The following METTL15 variants were observed in gnomAD, a reference collection of about 807,000 sequenced individuals.
METTL15 encodes the protein methyltransferase 15, mitochondrial 12S rRNA N4-cytidine.
METTL15 carries 34 observed loss-of-function variants against 38.3 expected under a neutral mutation model. The ratio of observed to expected loss-of-function variants is 0.89; its 90% CI spans 0.68 to 1.18. METTL15 has a LOEUF of 1.18. Among genes scored for constraint, METTL15 ranks in the 50% most tolerant of loss-of-function variants. The pLI is 0.00. For synonymous variants in METTL15, 162 were observed against 170.9 expected (o/e 0.95, Z 0.41); for missense variants, 438 against 498.4 (o/e 0.88, Z 1.15).
chr11:28,165,343 G>A (rs1314899743), intron 3 of METTL15, among the ~76,000 whole-genome samples: 1 of 152,012 alleles, frequency 6.6e-6, no homozygotes, highest in Non-Finnish European at 1.5e-5. Flanking sequence ...GAAAACACTT[G>A]TGTTATTTTT....
At chr11:28,512,914 G>A (rs1851688145) in intron 6 of METTL15, among the ~76,000 whole-genome samples, 1 of 152,230 alleles carries the variant, frequency 6.6e-6, no homozygotes, top group Non-Finnish European at 1.5e-5. Flanking sequence ...TTAAGTAGAA[G>A]TGGATCATCA....
intron 4 of METTL15, among the ~76,000 whole-genome samples, chr11:28,243,057 T>C (rs1377310175): frequency 6.6e-6 from 1 of 151,522 alleles, no homozygotes; most frequent in Non-Finnish European, 1.5e-5. Flanking sequence ...GGGAAAAATA[T>C]AATTCTGCCT....
chr11:28,291,679 A>G (rs773500758), intron 5 of METTL15, among the ~76,000 whole-genome samples: 2 of 152,162 alleles, frequency 1.3e-5, no homozygotes, highest in Non-Finnish European at 2.9e-5. Context: ...AATAATAAAA[A>G]TCCTTTAAAA....
intron 6 of METTL15, among the ~76,000 whole-genome samples, chr11:28,300,541 G>A (rs1048018475): frequency 6.6e-6 from 1 of 152,076 alleles, no homozygotes; most frequent in African/African-American, 2.4e-5. Context: ...CCAAAAGACA[G>A]GTTCAAGACT....
chr11:28,324,504 A>G (rs543428967), intron 6 of METTL15, among the ~76,000 whole-genome samples: 4 of 152,282 alleles, frequency 2.6e-5, no homozygotes, highest in South Asian at 4.1e-4. Flanking sequence ...GATGTTCTCA[A>G]TCATTATCAG....
chr11:28,473,721 T>A (rs1851320841), intron 6 of METTL15, among the ~76,000 whole-genome samples: 2 of 152,068 alleles, frequency 1.3e-5, no homozygotes. Flanking sequence ...CATTCAAGCT[T>A]CTCCACAATT....
At chr11:28,255,766 C>T (rs1341490896) in intron 4 of METTL15, among the ~76,000 whole-genome samples, 3 of 152,164 alleles carry the variant, frequency 2.0e-5, no homozygotes, top group East Asian at 1.9e-4. Context: ...TGTAATGGCA[C>T]GACCTTGGCT....
intron 3 of METTL15, among the ~76,000 whole-genome samples, chr11:28,140,807 G>A (rs559372469): frequency 1.3e-5 from 2 of 152,294 alleles, no homozygotes; most frequent in Non-Finnish European, 2.9e-5. Context: ...TGTATAAGGT[G>A]TGAATTCCTT....
At chr11:28,267,454 A>G (rs1855471095) in intron 4 of METTL15, among the ~76,000 whole-genome samples, 1 of 152,170 alleles carries the variant, frequency 6.6e-6, no homozygotes, top group Non-Finnish European at 1.5e-5. Flanking sequence ...TTCCAGCACT[A>G]CTGATCTCAC....
rs34704753 is a variant in METTL15, at chr11:28,380,168, C to CTTTTTTT, written c.*358+18143_*358+18149dup. Among the ~76,000 whole-genome samples, 4 of 124,056 alleles carry CTTTTTTT rather than the reference C, an allele frequency of 3.2e-5. 1 individual carries two copies. Among genetic ancestry groups the CTTTTTTT allele is most frequent in the Non-Finnish European group, 6.5e-5 (4 of 61,916 alleles). 81.4% of individuals were successfully genotyped at this position (124,056 alleles called of 152,430 possible). A position where few individuals can be genotyped will look rare whatever the true frequency, so the allele number is the denominator to read the frequency against. On this transcript the variant is annotated intron_variant and NMD_transcript_variant, in intron 5 of 7. Coordinates refer to the METTL15 transcript ENST00000532947. ...TCTTTATCCATTCAGCCACTTTATG[C>CTTTTTTT]TTTTTTTTTTTTTTTTTGAGATGGA...
intron 4 of METTL15, among the ~76,000 whole-genome samples, chr11:28,257,500 C>T (rs1855019892): frequency 6.6e-6 from 1 of 152,168 alleles, no homozygotes; most frequent in African/African-American, 2.4e-5. Context: ...TCTCTCTAGA[C>T]CTTCTCTTTA....
At chr11:28,370,459 A>G (rs764118113) in intron 5 of METTL15, among the ~76,000 whole-genome samples, 1 of 151,986 alleles carries the variant, frequency 6.6e-6, no homozygotes, top group Non-Finnish European at 1.5e-5. Context: ...TCTTCCATTA[A>G]TGGACTCTTA....
intron 3 of METTL15, among the ~76,000 whole-genome samples, chr11:28,173,607 A>T (rs993518624): frequency 1.3e-5 from 2 of 152,212 alleles, no homozygotes; most frequent in Non-Finnish European, 2.9e-5. Flanking sequence ...TGTATTTGTT[A>T]TAATTATTGA....
chr11:28,289,388 A>ATTATCCAACACTGTTG (rs1236246604), intron 4 of METTL15, among the ~76,000 whole-genome samples: 1 of 152,170 alleles, frequency 6.6e-6, no homozygotes, highest in East Asian at 1.9e-4. Flanking sequence ...ATTAACGTAA[A>ATTATCCAACACTGTTG]TTATCCAACA....
In METTL15 at chr11:28,211,075, T is replaced by A. The variant is rs369999446; in HGVS notation, c.284T>A (p.Met95Lys). 7 of 1,608,696 alleles carry A rather than the reference T, an allele frequency of 4.4e-6. No individual in the cohort carries two copies. The African/African-American group carries it at 6.7e-5, about 15-fold the overall frequency. The change falls in exon 4 of 7, where the codon ATG (methionine) becomes AAG (lysine). Residue 95 changes from methionine to lysine, a missense_variant. Met to Lys is a moderately conservative substitution (Grantham distance 95, BLOSUM62 -1). Coordinates refer to ENST00000407364, the MANE Select transcript of METTL15 (RefSeq NM_001113528.2). Reference sequence around the variant, plus strand: ...TGTGTTTGCTAGATTTTTCTAGATATGACATTTGGTTCGGGAGGGCACACA... The same window carrying A: ...TGTGTTTGCTAGATTTTTCTAGATAAGACATTTGGTTCGGGAGGGCACACA... Reference protein sequence around the residue: ...SPQKGQIFLDMTFGSGGHTKA... With the variant: ...SPQKGQIFLDKTFGSGGHTKA...
intron 6 of METTL15, among the ~76,000 whole-genome samples, chr11:28,504,069 G>T (rs1403649908): frequency 6.6e-6 from 1 of 151,720 alleles, no homozygotes; most frequent in Non-Finnish European, 1.5e-5. Flanking sequence ...GTGGTGGCAG[G>T]CACCTGTAAT....
chr11:28,239,433 C>T (rs1188698116), intron 4 of METTL15, among the ~76,000 whole-genome samples: 2 of 152,166 alleles, frequency 1.3e-5, no homozygotes, highest in Non-Finnish European at 2.9e-5. Context: ...AATTTGACCC[C>T]TACTTATCAC....
intron 3 of METTL15, chr11:28,351,952 G>A (rs559219432): frequency 6.6e-6 from 1 of 152,262 alleles, no homozygotes; most frequent in South Asian, 2.1e-4. Context: ...CCCCAATAGG[G>A]TGTCATAGTT....
At chr11:28,120,279 A>C (rs1453735682) in intron 3 of METTL15, among the ~76,000 whole-genome samples, 9 of 151,532 alleles carry the variant, frequency 5.9e-5, no homozygotes, top group Non-Finnish European at 8.8e-5. Flanking sequence ...TCTTAAGAAA[A>C]AACTTAAAAT....
Sources: allele counts gnomAD v4.1 joint callset (sites outside exome capture counted in the v4.1 genomes callset), GRCh38; gene constraint gnomAD v4.1.1; transcripts MANE v1.5; gene names NCBI Gene and HGNC (gene_info 2026-07-23, HGNC 2026-07-21).